FOXP1: variants seen among roughly 807,000 people sequenced by gnomAD.
The protein encoded by FOXP1 is forkhead box protein P1.
Under a neutral mutation model 98.2 loss-of-function variants are expected in FOXP1, and 15 were observed. The observed-to-expected ratio is 0.15, with a 90% CI of 0.10 to 0.24. FOXP1 has a LOEUF of 0.24. FOXP1 is among the 10% of genes least tolerant of loss of function. FOXP1 has a pLI of 1.00. For synonymous variants in FOXP1, 371 were observed against 314.5 expected, an observed-to-expected ratio of 1.18 and a Z score of -1.90; for missense variants, 633 against 848.5, an observed-to-expected ratio of 0.75 and a Z score of 3.15.
chr3:70,999,279 G>A (rs1559680399), intron 13 of FOXP1, among the ~76,000 whole-genome samples: 1 of 151,964 alleles, frequency 6.6e-6, no homozygotes, highest in African/African-American at 2.4e-5. Flanking sequence ...TAGTAGAGAC[G>A]GGGTTTCACC....
At chr3:71,106,132 A>G (rs938113170) in intron 7 of FOXP1, among the ~76,000 whole-genome samples, 4 of 152,150 alleles carry the variant, frequency 2.6e-5, no homozygotes, top group African/African-American at 9.7e-5. Context: ...CTCATCCATT[A>G]AATGATTTAA....
chr3:71,260,318 G>A lies in FOXP1; in HGVS notation c.-12+39502C>T, dbSNP rs946734586. 5.3e-5 allele frequency among the ~76,000 whole-genome samples: 8 copies of A among 152,204 alleles called. No individual in the cohort carries two copies. The East Asian group carries it at 1.2e-3, about 22-fold the overall frequency. On this transcript the variant is annotated intron_variant, in intron 5 of 20. Coordinates refer to ENST00000649528, the MANE Select transcript of FOXP1 (RefSeq NM_001349338.3). Reference sequence around the variant, plus strand: ...AATACGTAGGGAAGGCTCGGGGCGCGGGGGGAGAAATGCAGAGATGAAATG... The same window carrying A: ...AATACGTAGGGAAGGCTCGGGGCGCAGGGGGAGAAATGCAGAGATGAAATG...
Position 70,988,097 on chromosome 3 carries a change from T to C in FOXP1, c.1063-20A>G. The stretch of plus-strand genomic sequence containing the variant: ...TGCAAGCTGGCAAGAAGAAAATGCT[T>C]TGTTATTTCTCTGAATAAAGATGCA... On this transcript the variant is annotated intron_variant, in intron 13 of 20. Coordinates refer to ENST00000649528, the MANE Select transcript of FOXP1 (RefSeq NM_001349338.3). The C allele has an allele frequency of 6.2e-7, 1 of 1,610,840 alleles. No homozygotes were observed. Among genetic ancestry groups the C allele is most frequent in the Non-Finnish European group, 8.5e-7 (1 of 1,176,984 alleles).
At chr3:71,402,197 A>G (rs923647970) in intron 3 of FOXP1, among the ~76,000 whole-genome samples, 23 of 152,298 alleles carry the variant, frequency 1.5e-4, no homozygotes, top group Non-Finnish European at 1.5e-5. Flanking sequence ...GCTCACACCC[A>G]CAAACCCAGC....
At chr3:71,020,846 T>C (rs1266750112) in intron 11 of FOXP1, among the ~76,000 whole-genome samples, 1 of 152,188 alleles carries the variant, frequency 6.6e-6, no homozygotes, top group East Asian at 1.9e-4. Context: ...AAATTTCTGA[T>C]TCATCTGCAG....
At chr3:71,348,904 G>C (rs1690057643) in intron 4 of FOXP1, among the ~76,000 whole-genome samples, 1 of 152,104 alleles carries the variant, frequency 6.6e-6, no homozygotes, top group African/African-American at 2.4e-5. Flanking sequence ...CTTAAGTGAT[G>C]ATGAACCATT....
chr3:71,559,522 C>G (rs959832192), intron 2 of FOXP1, among the ~76,000 whole-genome samples: 2 of 152,138 alleles, frequency 1.3e-5, no homozygotes, highest in African/African-American at 4.8e-5. Flanking sequence ...AGCACTGGCT[C>G]TAACTGGTTG....
intron 3 of FOXP1, among the ~76,000 whole-genome samples, chr3:71,415,419 A>G (rs2083135752): frequency 6.6e-6 from 1 of 152,250 alleles, no homozygotes; most frequent in Non-Finnish European, 1.5e-5. Context: ...CAATGTAGAC[A>G]TAAAAACATG....
chr3:71,537,918 G>A lies in FOXP1; in HGVS notation c.-298+43631C>T, dbSNP rs554220154. Among the ~76,000 whole-genome samples the A allele has an allele frequency of 4.6e-5, 7 of 152,200 alleles. No homozygotes were observed. The East Asian group carries it at 9.6e-4, about 21-fold the overall frequency. On this transcript the variant is annotated intron_variant, in intron 2 of 20. Coordinates refer to ENST00000649528, the MANE Select transcript of FOXP1 (RefSeq NM_001349338.3). ...GAACACGATGTGAAATTGAAATTTC[G>A]GTATTCATAAATAAAGTTTTATTGG...
intron 5 of FOXP1, among the ~76,000 whole-genome samples, chr3:71,207,739 A>T (rs200769077): frequency 4.5e-4 from 2 of 4,456 alleles, no homozygotes; most frequent in African/African-American, 1.1e-3. Context: ...ACAATAACTT[A>T]AAAAAAAAAT....
chr3:71,043,099 T>C (rs1172183914), intron 10 of FOXP1, among the ~76,000 whole-genome samples: 3 of 152,158 alleles, frequency 2.0e-5, no homozygotes, highest in African/African-American at 7.2e-5. Context: ...ACAAAAACAG[T>C]TGGTCCCTCC....
rs78001145 is a variant in FOXP1, at chr3:71,434,743, T to C, written c.-168+58683A>G. Reference sequence around the variant, plus strand: ...AGTTCTTCTTACCACAGATGTTGTATTTATTAAAGGTAATAGAGTAGAGGT... The same window carrying C: ...AGTTCTTCTTACCACAGATGTTGTACTTATTAAAGGTAATAGAGTAGAGGT... On this transcript the variant is annotated intron_variant, in intron 3 of 20. Transcript: ENST00000649528. Among the ~76,000 whole-genome samples the C allele has an allele frequency of 3.9e-3, 586 of 151,956 alleles. 6 individuals are homozygous for C. Among genetic ancestry groups the C allele is most frequent in the African/African-American group, 0.014 (560 of 41,394 alleles).
At chr3:71,090,821 A>C (rs1404111229) in intron 7 of FOXP1, among the ~76,000 whole-genome samples, 1 of 152,144 alleles carries the variant, frequency 6.6e-6, no homozygotes, top group Non-Finnish European at 1.5e-5. Context: ...GCATATATCA[A>C]AGATTCAGAG....
intron 3 of FOXP1, among the ~76,000 whole-genome samples, chr3:71,442,934 T>C (rs2086080698): frequency 6.6e-6 from 1 of 152,174 alleles, no homozygotes; most frequent in Non-Finnish European, 1.5e-5. Context: ...TCACCCAGGC[T>C]GGGCTGGAGT....
intron 14 of FOXP1, among the ~76,000 whole-genome samples, chr3:70,986,208 C>T (rs1286859596): frequency 2.0e-5 from 3 of 152,200 alleles, no homozygotes; most frequent in Non-Finnish European, 4.4e-5. Context: ...CACTGGTCCA[C>T]GTGAAGAATC....
intron 3 of FOXP1, among the ~76,000 whole-genome samples, chr3:71,387,062 A>G (rs2080645896): frequency 6.6e-6 from 1 of 152,188 alleles, no homozygotes; most frequent in Admixed American, 6.5e-5. Flanking sequence ...TTATTCACCC[A>G]GCTGCCATGA....
chr3:71,460,196 G>A (rs2108534091), intron 3 of FOXP1, among the ~76,000 whole-genome samples: 1 of 151,576 alleles, frequency 6.6e-6, no homozygotes, highest in Non-Finnish European at 1.5e-5. Context: ...CTTGATATTA[G>A]CAAACCATTT....
intron 2 of FOXP1, among the ~76,000 whole-genome samples, chr3:71,573,050 C>G (rs148539499): frequency 6.6e-6 from 1 of 152,142 alleles, no homozygotes; most frequent in Non-Finnish European, 1.5e-5. Context: ...AAAATCTATT[C>G]ATTTTCAAAA....
chr3:71,333,603 A>G (rs1577019105), intron 4 of FOXP1: 1 of 152,222 alleles, frequency 6.6e-6, no homozygotes, highest in Non-Finnish European at 1.5e-5. Context: ...TGGGAGGATC[A>G]CTTGCACTCA....
Sources: gnomAD v4.1 joint callset for allele counts (sites outside exome capture counted in the v4.1 genomes callset) on GRCh38, gnomAD v4.1.1 for gene constraint, MANE v1.5 for transcripts, NCBI Gene and HGNC (gene_info 2026-07-23, HGNC 2026-07-21) for gene names.